The following ANK1 variants were observed in gnomAD, a reference collection of about 807,000 sequenced individuals.
ANK1 encodes the protein ankyrin-1.
ANK1 carries 51 observed loss-of-function variants against 210.4 expected under a neutral mutation model. The ratio of observed to expected loss-of-function variants is 0.24; its 90% CI spans 0.19 to 0.31. ANK1 has a LOEUF of 0.31. ANK1 is among the 10% of genes least tolerant of loss of function. ANK1 has a pLI of 1.00. For synonymous variants in ANK1, 967 were observed against 1,025.9 expected (o/e 0.94, Z 1.10); for missense variants, 2,051 against 2,504.4 (o/e 0.82, Z 3.86).
intron 37 of ANK1, among the ~76,000 whole-genome samples, chr8:41,680,519 C>T (rs1207441113): frequency 4.7e-5 from 7 of 149,768 alleles, no homozygotes; most frequent in Admixed American, 1.3e-4. Flanking sequence ...GAGCTGAGAT[C>T]GCACCATTGC....
intron 1 of ANK1, among the ~76,000 whole-genome samples, chr8:41,774,390 G>C (rs146721573): frequency 2.8e-4 from 43 of 152,306 alleles, no homozygotes; most frequent in African/African-American, 9.1e-4. Flanking sequence ...TCAGATGTTC[G>C]GGGCTAGTTG....
chr8:41,720,510 T>C (rs17661137), intron 9 of ANK1, among the ~76,000 whole-genome samples: 6,318 of 152,260 alleles, frequency 0.041, 169 homozygotes, highest in Non-Finnish European at 0.055. Flanking sequence ...TTCATTCACT[T>C]AGACATTAAT....
intron 1 of ANK1, among the ~76,000 whole-genome samples, chr8:41,823,267 G>A (rs1322037768): frequency 2.6e-5 from 4 of 152,224 alleles, no homozygotes; most frequent in East Asian, 3.9e-4. Context: ...AGTGGTTGCT[G>A]TAGATAAGAA....
chr8:41,863,289 G>A (rs1354417665), intron 1 of ANK1, among the ~76,000 whole-genome samples: 2 of 149,322 alleles, frequency 1.3e-5, no homozygotes, highest in Non-Finnish European at 3.0e-5. Flanking sequence ...AACCCAGGAG[G>A]CAGAGTTTGC....
chr8:41,733,819 G>T (rs1337534166), intron 3 of ANK1, 152 bp downstream of exon 3: 2 of 703,370 alleles, frequency 2.8e-6, no homozygotes, highest in East Asian at 5.6e-5. Flanking sequence ...GTTTCAGGCA[G>T]CTTCAGGGAT....
rs758866739 is a variant in ANK1 at position 41,758,048 on chromosome 8, G to A, written c.117C>T (p.Asn39=). Residue 39 remains asparagine, a synonymous_variant, in exon 2 of 43, where the codon AAC becomes AAT. Coordinates refer to ENST00000289734, the MANE Select transcript of ANK1 (RefSeq NM_000037.4). ...CCATCCCACTTACCTGGTTACAGGTGTTAATATCTACCCCATTCCGCAGGT... is the reference window on the plus strand; with the variant it reads ...CCATCCCACTTACCTGGTTACAGGTATTAATATCTACCCCATTCCGCAGGT... The part of the protein sequence containing the change: ...LDHLRNGVDI[N]TCNQNGLNGL... The A allele has an allele frequency of 3.7e-6, 6 of 1,614,000 alleles. No homozygotes were observed. Among genetic ancestry groups the A allele is most frequent in the Non-Finnish European group, 5.1e-6 (6 of 1,179,974 alleles).
At chr8:41,789,670 A>G (rs1025707138) in intron 1 of ANK1, among the ~76,000 whole-genome samples, 1 of 152,220 alleles carries the variant, frequency 6.6e-6, no homozygotes, top group Admixed American at 6.5e-5. Flanking sequence ...CACGACCAGT[A>G]TGGTGAAGAG....
At chr8:41,784,723 A>G (rs1264745373) in intron 1 of ANK1, among the ~76,000 whole-genome samples, 1 of 152,222 alleles carries the variant, frequency 6.6e-6, no homozygotes, top group Non-Finnish European at 1.5e-5. Context: ...GGTTTTGCAA[A>G]TTAAACAAAC....
chr8:41,713,049 G>C (rs1826599286), intron 16 of ANK1, among the ~76,000 whole-genome samples: 1 of 152,204 alleles, frequency 6.6e-6, no homozygotes, highest in Non-Finnish European at 1.5e-5. Flanking sequence ...GTCTGTCCAG[G>C]GAGGGAGAAC....
In ANK1 at chr8:41,702,119, G is replaced by C; in HGVS notation, c.2321C>G (p.Ala774Gly). The part of the protein sequence containing the change: ...SSDGTTPLAI[A>G]KRLGYISVTD... ...GACAGAAATGTAGCCCAAGCGCTTG[G>C]CTATGGCCAGAGGTGTGGTTCCATC... The change falls in exon 21 of 43, where the codon GCC (alanine) becomes GGC (glycine). Residue 774 changes from alanine to glycine, a missense_variant. Ala to Gly is a moderately conservative substitution (Grantham distance 60, BLOSUM62 0). This residue lies in a region of ANK1 where 1,413 missense variants were observed against 1,707.4 expected (regional missense o/e 0.83). Transcript: ENST00000289734. The C allele has an allele frequency of 6.2e-7, 1 of 1,614,174 alleles. No homozygotes were observed. Among genetic ancestry groups the C allele is most frequent in the Non-Finnish European group, 8.5e-7 (1 of 1,180,034 alleles).
At chr8:41,887,466 C>T (rs1818665941) in intron 1 of ANK1, among the ~76,000 whole-genome samples, 1 of 152,036 alleles carries the variant, frequency 6.6e-6, no homozygotes, top group Non-Finnish European at 1.5e-5. Flanking sequence ...GCTGTGTTGC[C>T]CAGGCTGGTC....
At chr8:41,717,994 G>T in intron 11 of ANK1, 112 bp downstream of exon 11, 3 of 1,035,820 alleles carry the variant, frequency 2.9e-6, no homozygotes, top group Non-Finnish European at 2.9e-6. Flanking sequence ...GTCCAGACTT[G>T]CAGACACACA....
intron 39 of ANK1, chr8:41,664,320 T>G: frequency 2.7e-6 from 1 of 368,874 alleles, no homozygotes; most frequent in South Asian, 2.0e-5. Flanking sequence ...AAAATTTTTT[T>G]AAAATAGCCA....
Position 41,672,667 on chromosome 8 carries a change from C to T in ANK1, c.4783G>A (p.Ala1595Thr), listed in dbSNP as rs1204538439. The change falls in exon 38 of 43, where the codon GCC (alanine) becomes ACC (threonine). Residue 1595 changes from alanine to threonine, a missense_variant. Physicochemically the swap from Ala to Thr is moderately conservative, Grantham distance 58. This residue lies in a region of ANK1 where 496 missense variants were observed against 533.4 expected (regional missense o/e 0.93). Coordinates refer to ENST00000289734, the MANE Select transcript of ANK1 (RefSeq NM_000037.4). ...LECSKAEDSDATGHEWKLEGA... is the reference protein window; with the variant it reads ...LECSKAEDSDTTGHEWKLEGA... ...TCCAACTTCCACTCGTGACCTGTGG[C>T]ATCAGAGTCCTCAGCCTTGCTACAC... is the stretch of plus-strand genomic sequence containing the variant. 2 of 1,614,082 alleles carry T rather than the reference C, an allele frequency of 1.2e-6. No individual in the cohort carries two copies. The highest frequency in any genetic ancestry group is 1.7e-6 in the Non-Finnish European group (2 of 1,180,044).
Position 41,791,194 on chromosome 8 carries a change from GTTTTTTTTTTTT to G in ANK1, c.27+6306_27+6317del, listed in dbSNP as rs71239082. Among the ~76,000 whole-genome samples, 15 of 70,150 alleles carry G rather than the reference GTTTTTTTTTTTT, an allele frequency of 2.1e-4. No individual in the cohort carries two copies. The East Asian group carries it at 6.3e-3, about 29-fold the overall frequency. 46.0% of individuals were successfully genotyped at this position (70,150 alleles called of 152,430 possible). A position where few individuals can be genotyped will look rare whatever the true frequency, so the allele number is the denominator to read the frequency against. ...TTCAGCTTTTCTCAGTACTAACTTTGTTTTTTTTTTTTTTTTTTTTTTTTTTTGAGATGGCAT... is the reference window on the plus strand; with the variant it reads ...TTCAGCTTTTCTCAGTACTAACTTTGTTTTTTTTTTTTTTTGAGATGGCAT... On this transcript the variant is annotated intron_variant, in intron 1 of 42. Coordinates refer to ENST00000289734, the MANE Select transcript of ANK1 (RefSeq NM_000037.4).
chr8:41,793,321 A>C (rs1848128321), intron 1 of ANK1, among the ~76,000 whole-genome samples: 1 of 152,232 alleles, frequency 6.6e-6, no homozygotes, highest in African/African-American at 2.4e-5. Flanking sequence ...TGGAGGCTGC[A>C]GTGAGCTATG....
At chr8:41,801,470 A>G (rs1471076600), upstream of ANK1, among the ~76,000 whole-genome samples, 1 of 152,198 alleles carries the variant, frequency 6.6e-6, no homozygotes, top group East Asian at 1.9e-4. Context: ...GGCTCTTCCA[A>G]TTTACACTGT....
Position 41,718,129 on chromosome 8 carries a change from C to A in ANK1, c.1183G>T (p.Ala395Ser). 1 of 1,614,034 alleles carries A rather than the reference C, an allele frequency of 6.2e-7. No individual in the cohort carries two copies. The highest frequency in any genetic ancestry group is 8.5e-7 in the Non-Finnish European group (1 of 1,180,018). ...ACCTCGGTGACCGCGTCGATCGAGG[C>A]TCCCGTCTTCAGCAGCAGCTCCATG... The part of the protein sequence containing the change: ...RVMELLLKTG[A>S]SIDAVTESGL... Residue 395 changes from alanine (A) to serine (S), a missense_variant, in exon 11 of 43, where the codon GCC becomes TCC. Physicochemically the swap from Ala to Ser is moderately conservative, Grantham distance 99 (BLOSUM62 1). Coordinates refer to ENST00000289734, the MANE Select transcript of ANK1 (RefSeq NM_000037.4).
chr8:41,725,453 A>G (rs918993560), intron 6 of ANK1, among the ~76,000 whole-genome samples: 1 of 151,936 alleles, frequency 6.6e-6, no homozygotes, highest in Non-Finnish European at 1.5e-5. Flanking sequence ...AGATGAAGGA[A>G]CATCAGGAAG....
Sources: gnomAD v4.1 joint callset for allele counts (sites outside exome capture counted in the v4.1 genomes callset) on GRCh38, gnomAD v4.1.1 for gene constraint, gnomAD v4.1.1 regional missense constraint, MANE v1.5 for transcripts, NCBI Gene and HGNC (gene_info 2026-07-23, HGNC 2026-07-21) for gene names.